Variants in EHBP1 observed in about 807,000 individuals in gnomAD.
The protein encoded by EHBP1 is EH domain-binding protein 1.
EHBP1 carries 55 observed loss-of-function variants against 144.0 expected under a neutral mutation model. The observed-to-expected ratio is 0.38, with a 90% CI of 0.31 to 0.48. The LOEUF is 0.48. Among genes scored for constraint, EHBP1 ranks in the 20% least tolerant of loss-of-function variants. The probability of loss-of-function intolerance (pLI) is 0.98; values close to 1 mark genes in which losing one functional copy is unlikely to be tolerated. For synonymous variants in EHBP1, 469 were observed against 472.7 expected (o/e 0.99, Z 0.10); for missense variants, 1,200 against 1,364.2 (o/e 0.88, Z 1.90).
chr2:62,747,546 ATGTTT>A, intron 3 of EHBP1, 94 bp downstream of exon 3: 4 of 989,168 alleles, frequency 4.0e-6, no homozygotes, highest in Non-Finnish European at 6.0e-6. Context: ...ATATTACTTG[ATGTTT>A]TGTTTTTTTT....
At chr2:63,039,826 A>T (rs2061587680) in intron 21 of EHBP1, among the ~76,000 whole-genome samples, 1 of 152,146 alleles carries the variant, frequency 6.6e-6, no homozygotes, top group Admixed American at 6.5e-5. Context: ...TTTTATATTC[A>T]TAAACTCATT....
intron 5 of EHBP1, among the ~76,000 whole-genome samples, chr2:62,800,820 G>T (rs1044157988): frequency 6.6e-6 from 1 of 152,120 alleles, no homozygotes; most frequent in African/African-American, 2.4e-5. Flanking sequence ...GAAGCTTTGA[G>T]TTCACTTTCA....
chr2:62,950,389 T>C (rs1343077961), intron 13 of EHBP1, among the ~76,000 whole-genome samples: 2 of 152,342 alleles, frequency 1.3e-5, no homozygotes, highest in South Asian at 2.1e-4. Flanking sequence ...AAAGTAGATA[T>C]AGGAATTCAG....
At chr2:62,696,508 C>CTTTTTTTTTTTTTTTTTTTTTTTTT in intron 1 of EHBP1, among the ~76,000 whole-genome samples, 1 of 76,750 alleles carries the variant, frequency 1.3e-5, no homozygotes, top group Non-Finnish European at 2.3e-5. Flanking sequence ...TTTTTTTCTT[C>CTTTTTTTTTTTTTTTTTTTTTTTTT]TTTTTTTTTT....
chr2:63,019,714 GAAAA>G (rs2060626447), intron 19 of EHBP1, among the ~76,000 whole-genome samples: 1 of 119,610 alleles, frequency 8.4e-6, no homozygotes, highest in Admixed American at 1.0e-4. Flanking sequence ...CTCAAAAAAA[GAAAA>G]AGAAAGAAAG....
intron 19 of EHBP1, among the ~76,000 whole-genome samples, chr2:63,014,694 A>G (rs2060411530): frequency 6.6e-6 from 1 of 152,176 alleles, no homozygotes; most frequent in Non-Finnish European, 1.5e-5. Flanking sequence ...AGATATTTGA[A>G]CACGGCTGGG....
intron 2 of EHBP1, among the ~76,000 whole-genome samples, chr2:62,721,873 T>A (rs2036253329): frequency 6.6e-6 from 1 of 152,180 alleles, no homozygotes. Flanking sequence ...CATTGTTTTT[T>A]AAAAATAACC....
At chr2:62,713,486 T>A (rs1395323836) in intron 2 of EHBP1, among the ~76,000 whole-genome samples, 1 of 152,060 alleles carries the variant, frequency 6.6e-6, no homozygotes, top group Non-Finnish European at 1.5e-5. Context: ...TCAAATGATC[T>A]GCCCACCTCA....
At chr2:62,816,381 T>C (rs2045451318) in intron 5 of EHBP1, among the ~76,000 whole-genome samples, 1 of 152,210 alleles carries the variant, frequency 6.6e-6, no homozygotes, top group Non-Finnish European at 1.5e-5. Flanking sequence ...AATGAAATGT[T>C]TTCTAGATTG....
At chr2:62,841,058 T>C (rs929824987) in intron 7 of EHBP1, among the ~76,000 whole-genome samples, 3 of 152,088 alleles carry the variant, frequency 2.0e-5, no homozygotes, top group Non-Finnish European at 4.4e-5. Flanking sequence ...TATTGCGGCA[T>C]TATTCACAAT....
intron 5 of EHBP1, among the ~76,000 whole-genome samples, chr2:62,808,847 G>A (rs1310353267): frequency 6.6e-6 from 1 of 152,122 alleles, no homozygotes; most frequent in African/African-American, 2.4e-5. Flanking sequence ...CTTCGTAAGT[G>A]TTTCTCAATA....
chr2:62,861,412 G>A (rs1435463929), intron 8 of EHBP1, among the ~76,000 whole-genome samples: 5 of 150,580 alleles, frequency 3.3e-5, no homozygotes, highest in East Asian at 2.0e-4. Flanking sequence ...ACAGGCGTGA[G>A]CCACCGCGCC....
chr2:63,001,342 G>A (rs747309787), intron 19 of EHBP1, among the ~76,000 whole-genome samples: 4 of 152,082 alleles, frequency 2.6e-5, no homozygotes, highest in East Asian at 1.9e-4. Context: ...GTAGCTTTTC[G>A]TAGAGTATCT....
chr2:62,815,567 A>G (rs577073181), intron 5 of EHBP1, among the ~76,000 whole-genome samples: 2 of 152,352 alleles, frequency 1.3e-5, no homozygotes, highest in South Asian at 4.1e-4. Context: ...TTTAAACTAA[A>G]GTAGCCACTT....
At chr2:62,773,244 C>T (rs1420776159) in intron 5 of EHBP1, among the ~76,000 whole-genome samples, 2 of 148,154 alleles carry the variant, frequency 1.3e-5, no homozygotes, top group South Asian at 4.2e-4. Flanking sequence ...TTCAGGAGGA[C>T]ATTAATTTCT....
At chr2:63,005,904 G>C (rs2060018346) in intron 19 of EHBP1, among the ~76,000 whole-genome samples, 1 of 151,786 alleles carries the variant, frequency 6.6e-6, no homozygotes, top group South Asian at 2.1e-4. Context: ...TAAAATACTT[G>C]GTAACATATA....
At chr2:62,740,313 C>T (rs2038581860) in intron 2 of EHBP1, among the ~76,000 whole-genome samples, 1 of 151,952 alleles carries the variant, frequency 6.6e-6, no homozygotes. Context: ...GAAATATATC[C>T]TATGTATGTA....
At chr2:63,023,514 C>T (rs2060845598) in intron 19 of EHBP1, among the ~76,000 whole-genome samples, 2 of 152,184 alleles carry the variant, frequency 1.3e-5, no homozygotes, top group South Asian at 4.1e-4. Flanking sequence ...TCACAGTATA[C>T]AGAGTTGCAA....
At chr2:62,856,193 AAC>A (rs1420376992) in intron 7 of EHBP1, among the ~76,000 whole-genome samples, 1 of 152,240 alleles carries the variant, frequency 6.6e-6, no homozygotes, top group African/African-American at 2.4e-5. Context: ...GGAGAACTGT[AAC>A]ACAAACAGGG....
Sources: allele counts gnomAD v4.1 joint callset (sites outside exome capture counted in the v4.1 genomes callset), GRCh38; gene constraint gnomAD v4.1.1; transcripts MANE v1.5; gene names NCBI Gene and HGNC (gene_info 2026-07-23, HGNC 2026-07-21).